GRM8: variants seen among roughly 807,000 people sequenced by gnomAD.
GRM8 encodes the protein metabotropic glutamate receptor 8.
Under a neutral mutation model 87.2 loss-of-function variants are expected in GRM8, and 47 were observed. The ratio of observed to expected loss-of-function variants is 0.54; its 90% CI spans 0.43 to 0.69. The LOEUF is 0.69. GRM8 is among the 30% of genes least tolerant of loss of function. The pLI is 0.00. For missense variants in GRM8, 1,019 were observed against 1,139.2 expected, an observed-to-expected ratio of 0.89 and a Z score of 1.52; for synonymous variants, 396 against 404.5, an observed-to-expected ratio of 0.98 and a Z score of 0.25.
chr7:126,750,601 T>A (rs1816305914), intron 7 of GRM8, among the ~76,000 whole-genome samples: 1 of 152,086 alleles, frequency 6.6e-6, no homozygotes, highest in African/African-American at 2.4e-5. Flanking sequence ...GTAATAAACT[T>A]TCAAAAGATT....
intron 6 of GRM8, among the ~76,000 whole-genome samples, chr7:126,883,600 TA>T (rs1744441354): frequency 1.3e-5 from 2 of 152,166 alleles, no homozygotes; most frequent in Non-Finnish European, 2.9e-5. Flanking sequence ...ATAATCAAAG[TA>T]TTTTTTTTAG....
At chr7:127,113,508 C>T (rs1001570034) in intron 2 of GRM8, among the ~76,000 whole-genome samples, 3 of 151,794 alleles carry the variant, frequency 2.0e-5, no homozygotes, top group Non-Finnish European at 4.4e-5. Flanking sequence ...GGTTTTTGTT[C>T]TCTGCAAACA....
chr7:126,527,113 C>T (rs1016664223), intron 9 of GRM8, among the ~76,000 whole-genome samples: 2 of 152,194 alleles, frequency 1.3e-5, no homozygotes, highest in East Asian at 1.9e-4. Context: ...AATCCCAGCA[C>T]TTTGGGAGGC....
rs544235283 is a variant in GRM8 at position 126,640,305 on chromosome 7, T to C, written c.1358-30807A>G. Among the ~76,000 whole-genome samples, 4 of 152,292 alleles carry C rather than the reference T, an allele frequency of 2.6e-5. No individual in the cohort carries two copies. The South Asian group carries it at 6.2e-4, about 24-fold the overall frequency. Reference sequence around the variant, plus strand: ...TATTTATGATTGTCATTGGATACCATATGCCACGTGTGGGAGAGAGGGAGG... The same window carrying C: ...TATTTATGATTGTCATTGGATACCACATGCCACGTGTGGGAGAGAGGGAGG... On this transcript the variant is annotated intron_variant, in intron 7 of 10. Transcript: ENST00000339582.
intron 6 of GRM8, among the ~76,000 whole-genome samples, chr7:126,847,891 C>G (rs1796852551): frequency 6.6e-6 from 1 of 152,136 alleles, no homozygotes; most frequent in Non-Finnish European, 1.5e-5. Flanking sequence ...GAACTAAAAT[C>G]TGCACCAATG....
At chr7:126,641,913 A>G (rs1186950260) in intron 7 of GRM8, among the ~76,000 whole-genome samples, 1 of 152,152 alleles carries the variant, frequency 6.6e-6, no homozygotes, top group Non-Finnish European at 1.5e-5. Flanking sequence ...ACTTCTCCAC[A>G]CTTTAACCTC....
chr7:126,626,742 T>C (rs1369920477), intron 7 of GRM8, among the ~76,000 whole-genome samples: 1 of 152,202 alleles, frequency 6.6e-6, no homozygotes, highest in African/African-American at 2.4e-5. Context: ...ACAATCTGGC[T>C]GGCATGTTGG....
intron 9 of GRM8, among the ~76,000 whole-genome samples, chr7:126,467,259 C>G (rs1804610858): frequency 6.6e-6 from 1 of 150,536 alleles, no homozygotes; most frequent in African/African-American, 2.4e-5. Context: ...GTTTTCTGTT[C>G]CTGTGTTAGT....
At chr7:126,703,330 T>C (rs573238905) in intron 7 of GRM8, among the ~76,000 whole-genome samples, 2 of 152,328 alleles carry the variant, frequency 1.3e-5, no homozygotes, top group East Asian at 3.9e-4. Flanking sequence ...TAAACATATG[T>C]TTGAAGCATC....
chr7:126,759,163 C>T (rs1241141036), intron 7 of GRM8, among the ~76,000 whole-genome samples: 3 of 152,008 alleles, frequency 2.0e-5, no homozygotes, highest in Admixed American at 2.0e-4. Context: ...CTCCCAAATT[C>T]TGGGATTACA....
intron 3 of GRM8, among the ~76,000 whole-genome samples, chr7:126,974,646 C>T (rs1442741361): frequency 6.6e-6 from 1 of 152,122 alleles, no homozygotes; most frequent in African/African-American, 2.4e-5. Context: ...AAACCACTAA[C>T]TTGGCTGGCC....
intron 2 of GRM8, among the ~76,000 whole-genome samples, chr7:127,150,596 A>C (rs1563544198): frequency 6.6e-6 from 1 of 152,148 alleles, no homozygotes; most frequent in Non-Finnish European, 1.5e-5. Flanking sequence ...CATAAGTGTT[A>C]TTATTCCCAT....
intron 2 of GRM8, among the ~76,000 whole-genome samples, chr7:127,205,025 T>C (rs1206880575): frequency 1.3e-5 from 2 of 152,230 alleles, no homozygotes; most frequent in Non-Finnish European, 2.9e-5. Flanking sequence ...CTCGTTTCAA[T>C]AGCCTTCGCC....
At chr7:126,521,283 A>G (rs1584925616) in intron 9 of GRM8, among the ~76,000 whole-genome samples, 2 of 152,266 alleles carry the variant, frequency 1.3e-5, no homozygotes, top group African/African-American at 4.8e-5. Flanking sequence ...AAGAAAATAC[A>G]TTTCTTGGTA....
At chr7:126,881,634 T>G (rs192794415) in intron 6 of GRM8, among the ~76,000 whole-genome samples, 1 of 152,312 alleles carries the variant, frequency 6.6e-6, no homozygotes. Context: ...CTCTGTAGCC[T>G]TCTGGAGGAT....
rs564760467 is a variant in GRM8, at chr7:127,010,764, T to C, written c.727+95732A>G. Among the ~76,000 whole-genome samples the C allele has an allele frequency of 4.6e-5, 7 of 152,290 alleles. No homozygotes were observed. The South Asian group carries it at 1.4e-3, about 32-fold the overall frequency. On this transcript the variant is annotated intron_variant, in intron 3 of 10. Transcript: ENST00000339582. ...ACAAATGCTTATCAATCACTCAGTA[T>C]ACCCAACACAGTGAGCCAGATTTGA...
chr7:126,856,890 G>A (rs952717761), intron 6 of GRM8, among the ~76,000 whole-genome samples: 3 of 152,196 alleles, frequency 2.0e-5, no homozygotes, highest in African/African-American at 7.2e-5. Flanking sequence ...TCTTGGCTAA[G>A]ACAATTACCT....
chr7:126,551,682 G>A lies in GRM8; in HGVS notation c.1495-17795C>T, dbSNP rs954019184. Among the ~76,000 whole-genome samples the A allele has an allele frequency of 1.2e-4, 16 of 133,912 alleles. No homozygotes were observed. In the East Asian group the frequency reaches 2.4e-3, roughly 20 times the overall value. The allele number at this position is 133,912 out of a possible 152,430, so 87.9% of individuals were successfully genotyped here. A position where few individuals can be genotyped will look rare whatever the true frequency, so the allele number is the denominator to read the frequency against. On this transcript the variant is annotated intron_variant, in intron 8 of 10. Transcript: ENST00000339582. ...TTATGCCCTGTATTGGCAACCATAC[G>A]TAATTTTTTTTTTTATCCATCCATG...
At chr7:126,855,651 T>A (rs1469199878) in intron 6 of GRM8, among the ~76,000 whole-genome samples, 1 of 152,054 alleles carries the variant, frequency 6.6e-6, no homozygotes, top group Non-Finnish European at 1.5e-5. Flanking sequence ...AATTTTTGTA[T>A]TTTTAGTAGA....
Sources: allele counts gnomAD v4.1 joint callset (sites outside exome capture counted in the v4.1 genomes callset), GRCh38; gene constraint gnomAD v4.1.1; transcripts MANE v1.5; gene names NCBI Gene and HGNC (gene_info 2026-07-23, HGNC 2026-07-21).